Variants in DPP6 observed in about 807,000 individuals in gnomAD.
DPP6 encodes dipeptidyl peptidase like 6.
Under a neutral mutation model 122.6 loss-of-function variants are expected in DPP6, and 69 were observed. The observed-to-expected ratio is 0.56, with a 90% CI of 0.46 to 0.69. DPP6 has a LOEUF of 0.69. Among genes scored for constraint, DPP6 ranks in the 30% least tolerant of loss-of-function variants. The pLI, the probability that DPP6 is intolerant of heterozygous loss-of-function variation, is 0.00. For missense variants in DPP6, 928 were observed against 1,116.9 expected, an observed-to-expected ratio of 0.83 and a Z score of 2.41; for synonymous variants, 418 against 433.1, an observed-to-expected ratio of 0.97 and a Z score of 0.43.
chr7:154,603,899 G>T (rs904956644), intron 5 of DPP6, among the ~76,000 whole-genome samples: 1 of 118,998 alleles, frequency 8.4e-6, no homozygotes, highest in Non-Finnish European at 1.9e-5. Context: ...ATAGGTGCAC[G>T]TGGGATTTCT....
intron 1 of DPP6, among the ~76,000 whole-genome samples, chr7:153,966,491 C>T (rs746652793): frequency 2.8e-5 from 4 of 145,442 alleles, no homozygotes; most frequent in East Asian, 2.1e-4. Flanking sequence ...CCCCTTCTCC[C>T]GTTCATCTTC....
At chr7:154,474,280 G>A (rs181148101) in intron 2 of DPP6, among the ~76,000 whole-genome samples, 158 of 152,292 alleles carry the variant, frequency 1.0e-3, no homozygotes, top group African/African-American at 3.7e-3. Context: ...ACCCACTGAC[G>A]CCATTAACTA....
chr7:154,676,388 A>T (rs1485837767), intron 7 of DPP6, among the ~76,000 whole-genome samples: 1 of 108,930 alleles, frequency 9.2e-6, no homozygotes, highest in East Asian at 2.2e-4. Context: ...GACCTGCTAC[A>T]CAGGTGTTCC....
intron 6 of DPP6, 115 bp downstream of exon 6, chr7:154,637,988 C>A: frequency 8.5e-7 from 1 of 1,171,044 alleles, no homozygotes; most frequent in Non-Finnish European, 1.2e-6. Flanking sequence ...GTTCTCACAG[C>A]CAAGGGTGCT....
At chr7:154,324,864 G>GTTCTTTTTT (rs1172014611) in intron 1 of DPP6, among the ~76,000 whole-genome samples, 1 of 59,610 alleles carries the variant, frequency 1.7e-5, no homozygotes, top group African/African-American at 5.0e-5. Flanking sequence ...CTTTCCTTTT[G>GTTCTTTTTT]TTATTTTTTT....
At chr7:153,792,875 A>T in the DPP6 span, among the ~76,000 whole-genome samples, 1 of 152,186 alleles carries the variant, frequency 6.6e-6, no homozygotes, top group East Asian at 1.9e-4. Context: ...ATAATGAATA[A>T]GTCTCACAAG....
chr7:154,004,312 G>T (rs533344763), intron 1 of DPP6, among the ~76,000 whole-genome samples: 1 of 152,236 alleles, frequency 6.6e-6, no homozygotes, highest in Non-Finnish European at 1.5e-5. Flanking sequence ...GGTTCATGGA[G>T]CCATAGGGGT....
intron 6 of DPP6, among the ~76,000 whole-genome samples, chr7:154,655,328 G>A (rs1001579887): frequency 2.0e-5 from 3 of 152,124 alleles, no homozygotes; most frequent in African/African-American, 7.2e-5. Context: ...CATGATTTAT[G>A]CCCTGTTTTG....
chr7:154,587,797 G>T, intron 5 of DPP6: 2 of 1,612,402 alleles, frequency 1.2e-6, no homozygotes, highest in Middle Eastern at 3.3e-4. Flanking sequence ...CTGCCTGCGT[G>T]ACTATGTCTC....
chr7:154,796,248 G>A (rs1563220153), intron 12 of DPP6: 2 of 204,114 alleles, frequency 9.8e-6, no homozygotes, highest in East Asian at 1.1e-4. Flanking sequence ...GAAAAGTGGT[G>A]GATATCCCTG....
chr7:154,534,683 A>G (rs1472712544), intron 3 of DPP6, among the ~76,000 whole-genome samples: 1 of 152,186 alleles, frequency 6.6e-6, no homozygotes, highest in African/African-American at 2.4e-5. Flanking sequence ...TCTGTACATG[A>G]AAACTACTAA....
At chr7:154,597,168 A>C (rs1193020592) in intron 5 of DPP6, among the ~76,000 whole-genome samples, 1 of 102,712 alleles carries the variant, frequency 9.7e-6, no homozygotes, top group Non-Finnish European at 1.9e-5. Context: ...AGAGAGGGAG[A>C]GAAGACAGAG....
chr7:153,757,517 C>T, the DPP6 span, among the ~76,000 whole-genome samples: 2 of 152,124 alleles, frequency 1.3e-5, no homozygotes, highest in Admixed American at 6.5e-5. Flanking sequence ...TAGACTCGAT[C>T]TTAGCATTGG....
At chr7:154,218,614 A>G (rs969585707) in intron 1 of DPP6, among the ~76,000 whole-genome samples, 1 of 152,166 alleles carries the variant, frequency 6.6e-6, no homozygotes, top group Admixed American at 6.5e-5. Context: ...GTAAATTTTA[A>G]ATTATATAGT....
At chr7:154,220,582 A>G (rs1800248128) in intron 1 of DPP6, among the ~76,000 whole-genome samples, 1 of 152,130 alleles carries the variant, frequency 6.6e-6, no homozygotes, top group Non-Finnish European at 1.5e-5. Context: ...AAAGTTAAAT[A>G]AATAAAATAA....
chr7:154,526,898 G>C (rs1827451292), intron 3 of DPP6, among the ~76,000 whole-genome samples: 1 of 152,160 alleles, frequency 6.6e-6, no homozygotes, highest in Non-Finnish European at 1.5e-5. Context: ...ATTGGAGCTT[G>C]TGGCCCAGTG....
At chr7:154,030,870 A>G (rs1415156469) in intron 1 of DPP6, among the ~76,000 whole-genome samples, 2 of 152,100 alleles carry the variant, frequency 1.3e-5, no homozygotes, top group African/African-American at 2.4e-5. Context: ...CCAGCCTGAC[A>G]TATTTCAGAG....
upstream of DPP6, among the ~76,000 whole-genome samples, chr7:153,882,304 T>C (rs891222106): frequency 2.0e-5 from 3 of 152,168 alleles, no homozygotes; most frequent in Non-Finnish European, 4.4e-5. Context: ...ACATCAGTAA[T>C]GAACTAATCT....
At chr7:154,723,508 C>T (rs1841923921) in intron 7 of DPP6, among the ~76,000 whole-genome samples, 1 of 151,700 alleles carries the variant, frequency 6.6e-6, no homozygotes, top group Non-Finnish European at 1.5e-5. Flanking sequence ...ACATCTTACC[C>T]TTAGGCAAAC....
Sources: allele counts gnomAD v4.1 joint callset (sites outside exome capture counted in the v4.1 genomes callset), GRCh38; gene constraint gnomAD v4.1.1; transcripts MANE v1.5; gene names NCBI Gene and HGNC (gene_info 2026-07-23, HGNC 2026-07-21).